The following PRKACB variants were observed in gnomAD, a reference collection of about 807,000 sequenced individuals.
The protein encoded by PRKACB is cAMP-dependent protein kinase catalytic subunit beta.
Under a neutral mutation model 51.4 loss-of-function variants are expected in PRKACB, and 16 were observed. The observed-to-expected ratio is 0.31, with a 90% CI of 0.21 to 0.47. The LOEUF (loss-of-function observed/expected upper bound fraction) is 0.47, where lower values mean the gene tolerates loss of function less well. PRKACB is among the 20% of genes least tolerant of loss of function. PRKACB has a pLI of 1.00. For missense variants in PRKACB, 309 were observed against 464.5 expected, an observed-to-expected ratio of 0.67 and a Z score of 3.08; for synonymous variants, 147 against 154.4, an observed-to-expected ratio of 0.95 and a Z score of 0.35.
chr1:84,086,130 T>C, intron 1 of PRKACB: 3 of 1,585,282 alleles, frequency 1.9e-6, no homozygotes, highest in Non-Finnish European at 2.6e-6. Context: ...GTGTTGGTGG[T>C]GCCCACTGTG....
chr1:84,235,388 G>C lies in PRKACB; in HGVS notation c.*83G>C, dbSNP rs1676570287. 2 of 1,564,824 alleles carry C rather than the reference G, an allele frequency of 1.3e-6. No individual in the cohort carries two copies. Among genetic ancestry groups the C allele is most frequent in the Admixed American group, 3.7e-5 (2 of 54,090 alleles). On this transcript the variant is annotated 3_prime_UTR_variant, in exon 10 of 10. Transcript: ENST00000370685. ...AGGTAGAGCTGAGACCGTCCTTGTT[G>C]AAGCAGTTACCTAGTTCCTTCATTC...
In PRKACB at chr1:84,196,647, A is replaced by G. The variant is rs781517324; in HGVS notation, c.592A>G (p.Ile198Val). ...EPHARFYAAQ[I>V]VLTFEYLHSL... ...CCATGCACGGTTCTATGCAGCTCAG[A>G]TAGTGCTAACATTCGAGTACCTCCA... The change falls in exon 6 of 10, where the codon ATA becomes GTA. Residue 198 changes from isoleucine (I) to valine (V), a missense_variant. Physicochemically the swap from Ile to Val is conservative, Grantham distance 29. Transcript: ENST00000370685. The G allele has an allele frequency of 6.2e-7, 1 of 1,613,744 alleles. No individual in the cohort carries two copies. Among genetic ancestry groups the G allele is most frequent in the Admixed American group, 1.7e-5 (1 of 60,010 alleles).
intron 1 of PRKACB, among the ~76,000 whole-genome samples, chr1:84,160,297 A>G (rs930052042): frequency 6.6e-5 from 10 of 151,746 alleles, no homozygotes; most frequent in Admixed American, 6.6e-5. Flanking sequence ...TGTGCCTAAG[A>G]GTTTTTCCAT....
chr1:84,110,825 T>G lies in PRKACB; in HGVS notation c.46+32454T>G, dbSNP rs80081363. On this transcript the variant is annotated intron_variant, in intron 1 of 8. Transcript: ENST00000370688. ...TCAAATTGGGGAAATTATCGTTTCCTGAATCTGCACTTCCTATTTTGGTGA... is the reference window on the plus strand; with the variant it reads ...TCAAATTGGGGAAATTATCGTTTCCGGAATCTGCACTTCCTATTTTGGTGA... Among the ~76,000 whole-genome samples the G allele has an allele frequency of 3.3e-5, 5 of 152,190 alleles. No homozygotes were observed. In the East Asian group the frequency reaches 9.6e-4, roughly 29 times the overall value.
chr1:84,173,960 G>A (rs1446580238), intron 1 of PRKACB, among the ~76,000 whole-genome samples: 3 of 151,660 alleles, frequency 2.0e-5, no homozygotes, highest in East Asian at 1.9e-4. Context: ...ATATTGAGAC[G>A]TCTAATCCTC....
chr1:84,126,060 T>G (rs1251474798), intron 1 of PRKACB, among the ~76,000 whole-genome samples: 2 of 109,460 alleles, frequency 1.8e-5, no homozygotes. Flanking sequence ...TCCTGTGCAG[T>G]CCAGTGGAAG....
chr1:84,078,156 C>A, exon 1 of PRKACB: 1 of 651,246 alleles, frequency 1.5e-6, no homozygotes, highest in South Asian at 2.6e-5. Context: ...TCGCTGGAGC[C>A]CTTTCCTCAG....
intron 9 of PRKACB, among the ~76,000 whole-genome samples, chr1:84,225,981 A>G (rs1330539677): frequency 1.3e-5 from 2 of 152,148 alleles, no homozygotes; most frequent in Admixed American, 6.5e-5. Flanking sequence ...TTTGTGGAGG[A>G]GAGTTCTGAG....
At chr1:84,187,184 A>C (rs1218475054) in intron 5 of PRKACB, among the ~76,000 whole-genome samples, 1 of 152,140 alleles carries the variant, frequency 6.6e-6, no homozygotes, top group Non-Finnish European at 1.5e-5. Flanking sequence ...TGCAAGAGGG[A>C]CCACCAGCAC....
At chr1:84,206,430 A>C (rs531587991) in intron 8 of PRKACB, among the ~76,000 whole-genome samples, 14 of 152,284 alleles carry the variant, frequency 9.2e-5, no homozygotes, top group South Asian at 4.1e-4. Flanking sequence ...AAGATTCAGC[A>C]TACAGTGGTA....
At chr1:84,199,832 G>A (rs149196990) in intron 7 of PRKACB, among the ~76,000 whole-genome samples, 8 of 149,498 alleles carry the variant, frequency 5.4e-5, no homozygotes, top group Admixed American at 1.3e-4. Flanking sequence ...TTGACTATTT[G>A]TTTATTTATT....
chr1:84,082,662 T>C (rs1328593400), intron 1 of PRKACB, among the ~76,000 whole-genome samples: 1 of 152,154 alleles, frequency 6.6e-6, no homozygotes, highest in Non-Finnish European at 1.5e-5. Flanking sequence ...TCTGTGATAA[T>C]GGAAGTGATC....
At chr1:84,200,285 G>C (rs4907194) in intron 7 of PRKACB, among the ~76,000 whole-genome samples, 74,430 of 152,004 alleles carry the variant, frequency 0.49, 18,800 homozygotes, top group Non-Finnish European at 0.56. Flanking sequence ...TGTATGTCTT[G>C]TTTTAGAAAG....
chr1:84,157,426 A>G (rs1256547973), intron 1 of PRKACB: 2 of 152,184 alleles, frequency 1.3e-5, no homozygotes, highest in Non-Finnish European at 2.9e-5. Context: ...ATAACCATAT[A>G]AATCACTCAT....
chr1:84,121,519 T>G (rs910273932), intron 1 of PRKACB, among the ~76,000 whole-genome samples: 1 of 152,106 alleles, frequency 6.6e-6, no homozygotes, highest in Non-Finnish European at 1.5e-5. Context: ...TTTCCCTTAT[T>G]CAGATCTCTA....
chr1:84,147,467 A>G (rs973904236), intron 1 of PRKACB, among the ~76,000 whole-genome samples: 2 of 152,046 alleles, frequency 1.3e-5, no homozygotes, highest in African/African-American at 4.8e-5. Context: ...CTATTCCATA[A>G]GCTTCTTGAT....
chr1:84,223,370 G>GTTTTTTTTT lies in PRKACB; in HGVS notation c.1071+9060_1071+9061insTTTTTTTTT, dbSNP rs976444186. Among the ~76,000 whole-genome samples, 4 of 21,450 alleles carry GTTTTTTTTT rather than the reference G, an allele frequency of 1.9e-4. 1 individual carries two copies. The highest frequency in any genetic ancestry group is 6.5e-4 in the Non-Finnish European group (4 of 6,134). 14.1% of individuals were successfully genotyped at this position (21,450 alleles called of 152,430 possible). A position where few individuals can be genotyped will look rare whatever the true frequency, so the allele number is the denominator to read the frequency against. On this transcript the variant is annotated intron_variant, in intron 9 of 9. Transcript: ENST00000370685. ...TGGATCTGTTTGGTTGTTTTTTTTT[G>GTTTTTTTTT]TTTTTTTGTTTTTTTTGAAATGGTG...
At chr1:84,136,991 A>G (rs961790120) in intron 1 of PRKACB, among the ~76,000 whole-genome samples, 3 of 152,042 alleles carry the variant, frequency 2.0e-5, no homozygotes, top group African/African-American at 7.2e-5. Flanking sequence ...ATCTTTTTAT[A>G]AGGGGCTCTT....
At chr1:84,099,486 A>T (rs1649173919) in intron 1 of PRKACB, among the ~76,000 whole-genome samples, 1 of 152,124 alleles carries the variant, frequency 6.6e-6, no homozygotes, top group South Asian at 2.1e-4. Flanking sequence ...TTCTGTGGAA[A>T]TATAGCTTTT....
Sources: gnomAD v4.1 joint callset for allele counts (sites outside exome capture counted in the v4.1 genomes callset) on GRCh38, gnomAD v4.1.1 for gene constraint, MANE v1.5 for transcripts, NCBI Gene and HGNC (gene_info 2026-07-23, HGNC 2026-07-21) for gene names.